PKIB: variants seen among roughly 807,000 people sequenced by gnomAD.
The protein encoded by PKIB is PKI-beta.
In PKIB, 2 loss-of-function variants were observed where a neutral mutation model predicts 4.5. The observed-to-expected ratio is 0.44, with a 90% confidence interval of 0.18 to 1.39. The LOEUF (loss-of-function observed/expected upper bound fraction) is 1.39. PKIB is among the 40% of genes most tolerant of loss of function. The pLI, the probability that PKIB is intolerant of heterozygous loss-of-function variation, is 0.27. For missense variants in PKIB, 94 were observed against 92.6 expected (o/e 1.02, Z -0.06); for synonymous variants, 38 against 36.0 (o/e 1.06, Z -0.20).
At position 122,717,979 on chromosome 6, in the gene PKIB, C is replaced by T; in HGVS notation, c.169+16C>T. 3.7e-6 allele frequency: 6 copies of T among 1,606,286 alleles called. No homozygotes were observed. The highest frequency in any genetic ancestry group is 5.1e-6 in the Non-Finnish European group (6 of 1,174,300). On this transcript the variant is annotated intron_variant, in intron 4 of 4. Transcript: ENST00000368452. ...GTGAAGGAAGGTAATACTCAAAATC[C>T]TCTTACAATTAACAGCACTTGTCCC...
chr6:122,473,304 C>G (rs1287677678), intron 1 of PKIB, among the ~76,000 whole-genome samples: 1 of 152,064 alleles, frequency 6.6e-6, no homozygotes, highest in African/African-American at 2.4e-5. Flanking sequence ...GTTTATTAGC[C>G]AAATGGAGAA....
At chr6:122,485,046 T>C (rs1461881688) in intron 2 of PKIB, among the ~76,000 whole-genome samples, 4 of 152,172 alleles carry the variant, frequency 2.6e-5, no homozygotes, top group Non-Finnish European at 5.9e-5. Flanking sequence ...ATTTCTGTAC[T>C]TCACTTCCCT....
At chr6:122,485,574 G>A (rs1562225168) in intron 2 of PKIB, among the ~76,000 whole-genome samples, 1 of 152,146 alleles carries the variant, frequency 6.6e-6, no homozygotes, top group Admixed American at 6.6e-5. Flanking sequence ...CAGAAATCAG[G>A]ATCTAAGGGA....
chr6:122,701,637 A>G, intron 3 of PKIB: 2 of 980,846 alleles, frequency 2.0e-6, no homozygotes, highest in Admixed American at 2.4e-5. Flanking sequence ...TTGCCAAATA[A>G]CTCAGAACCA....
At chr6:122,640,882 T>C (rs1330468326) in intron 2 of PKIB, among the ~76,000 whole-genome samples, 1 of 152,232 alleles carries the variant, frequency 6.6e-6, no homozygotes, top group Non-Finnish European at 1.5e-5. Flanking sequence ...ACCTTCTCTT[T>C]GTTTTCATAG....
intron 3 of PKIB, among the ~76,000 whole-genome samples, chr6:122,604,732 A>G (rs146030742): frequency 1.4e-4 from 22 of 152,338 alleles, no homozygotes; most frequent in African/African-American, 5.3e-4. Context: ...TACTCAGATT[A>G]CACAGCCTTG....
chr6:122,646,477 C>G (rs888524662), intron 2 of PKIB, among the ~76,000 whole-genome samples: 1 of 152,112 alleles, frequency 6.6e-6, no homozygotes, highest in Admixed American at 6.6e-5. Context: ...AAATGAAACC[C>G]TCAAAACAAA....
chr6:122,561,250 G>A (rs898577754), intron 2 of PKIB, among the ~76,000 whole-genome samples: 8 of 151,796 alleles, frequency 5.3e-5, no homozygotes, highest in Admixed American at 1.3e-4. Context: ...CATTATTGCC[G>A]TTCAGTTTGA....
At position 122,525,865 on chromosome 6, in the gene PKIB, A is replaced by G. The variant is rs184953654; in HGVS notation, c.-248+47926A>G. On this transcript the variant is annotated intron_variant, in intron 2 of 6. Coordinates refer to the PKIB transcript ENST00000392491. ...GCTATCTCAATTGACTCTTTCTTTC[A>G]TAAAATATTTCCCTGTAGCATGCAA... Among the ~76,000 whole-genome samples the G allele has an allele frequency of 3.9e-4, 59 of 152,294 alleles. 1 individual carries two copies. The highest frequency in any genetic ancestry group is 7.1e-4 in the Non-Finnish European group (48 of 68,026).
chr6:122,539,711 G>A (rs1220272760), intron 2 of PKIB, among the ~76,000 whole-genome samples: 1 of 151,732 alleles, frequency 6.6e-6, no homozygotes, highest in East Asian at 1.9e-4. Flanking sequence ...GAGTTAGGGA[G>A]GATTCCCTCT....
At chr6:122,590,852 C>T (rs1399987297) in intron 3 of PKIB, among the ~76,000 whole-genome samples, 1 of 152,058 alleles carries the variant, frequency 6.6e-6, no homozygotes, top group Non-Finnish European at 1.5e-5. Flanking sequence ...CAGGGCTGCC[C>T]TCTGCCCACA....
intron 3 of PKIB, among the ~76,000 whole-genome samples, chr6:122,708,485 A>AG (rs1166371074): frequency 6.6e-6 from 1 of 152,148 alleles, no homozygotes; most frequent in African/African-American, 2.4e-5. Flanking sequence ...TGGGCAGTGT[A>AG]GGGGAGATAT....
In PKIB at chr6:122,725,117, T is replaced by C; in HGVS notation, c.170-11T>C. ...ATATATTCCACATATGAATGGAAAT[T>C]TTTTTTTCAGATGCAAAAGAGAAAG... is the stretch of plus-strand genomic sequence containing the variant. On this transcript the variant is annotated splice_polypyrimidine_tract_variant and intron_variant, in intron 4 of 4. Transcript: ENST00000368452. 1 of 1,596,118 alleles carries C rather than the reference T, an allele frequency of 6.3e-7. No individual in the cohort carries two copies. The highest frequency in any genetic ancestry group is 8.5e-7 in the Non-Finnish European group (1 of 1,169,660).
chr6:122,621,219 C>T (rs1298159194), intron 1 of PKIB, among the ~76,000 whole-genome samples: 1 of 152,106 alleles, frequency 6.6e-6, no homozygotes, highest in Non-Finnish European at 1.5e-5. Flanking sequence ...TTAATGGCTT[C>T]TGGGGGGATT....
intron 1 of PKIB, chr6:122,472,150 C>T (rs1775322208): frequency 5.8e-6 from 1 of 173,898 alleles, no homozygotes; most frequent in Admixed American, 6.3e-5. Context: ...TGAGGAACCT[C>T]TCTGCTTTTT....
At chr6:122,668,557 G>T in intron 2 of PKIB, among the ~76,000 whole-genome samples, 1 of 152,146 alleles carries the variant, frequency 6.6e-6, no homozygotes, top group Non-Finnish European at 1.5e-5. Context: ...AGCTAAAATG[G>T]TGTGTTTTGT....
At chr6:122,677,234 T>TA (rs1266575544) in intron 3 of PKIB, among the ~76,000 whole-genome samples, 3 of 152,216 alleles carry the variant, frequency 2.0e-5, no homozygotes, top group Admixed American at 6.5e-5. Flanking sequence ...GGGAGCTTTG[T>TA]AAAAAATACA....
At chr6:122,660,011 G>T (rs1776923968) in intron 2 of PKIB, among the ~76,000 whole-genome samples, 1 of 152,184 alleles carries the variant, frequency 6.6e-6, no homozygotes, top group Admixed American at 6.5e-5. Flanking sequence ...TTCTGAAAGA[G>T]CACGAAAATT....
At chr6:122,493,921 A>G (rs1776007373) in intron 2 of PKIB, among the ~76,000 whole-genome samples, 1 of 152,108 alleles carries the variant, frequency 6.6e-6, no homozygotes, top group Non-Finnish European at 1.5e-5. Context: ...CTCTTCTGGA[A>G]AGAAACGGGA....
Sources: gnomAD v4.1 joint callset for allele counts (sites outside exome capture counted in the v4.1 genomes callset) on GRCh38, gnomAD v4.1.1 for gene constraint, MANE v1.5 for transcripts, NCBI Gene and HGNC (gene_info 2026-07-23, HGNC 2026-07-21) for gene names.